Variants in DMXL1 observed in about 807,000 individuals in gnomAD.
DMXL1 encodes the protein dmX-like protein 1.
DMXL1 carries 99 observed loss-of-function variants against 319.2 expected under a neutral mutation model. That is an observed-to-expected ratio of 0.31 (90% confidence interval 0.26 to 0.37). The LOEUF (loss-of-function observed/expected upper bound fraction) is 0.37. Ranked by LOEUF, DMXL1 falls within the 10% of genes least tolerant of loss-of-function variation. DMXL1 has a pLI of 1.00. For missense variants in DMXL1, 3,745 were observed against 3,595.6 expected, an observed-to-expected ratio of 1.04 and a Z score of -1.06; for synonymous variants, 1,385 against 1,235.2, an observed-to-expected ratio of 1.12 and a Z score of -2.54.
intron 7 of DMXL1, among the ~76,000 whole-genome samples, chr5:119,118,306 G>A (rs1488836196): frequency 6.6e-6 from 1 of 152,176 alleles, no homozygotes; most frequent in Non-Finnish European, 1.5e-5. Context: ...GCCTTTATAG[G>A]AAGTAGAAAT....
rs753619114 is a variant in DMXL1 at position 119,247,099 on chromosome 5, A to G, written c.9027A>G (p.Thr3009=). Reference sequence around the variant, plus strand: ...GAACTGGAGTGATGCAAATTGAGACAGGGCCTGCAAATCACATTTTCTCCT... The same window carrying G: ...GAACTGGAGTGATGCAAATTGAGACGGGGCCTGCAAATCACATTTTCTCCT... ...NIGTGVMQIE[T]GPANHIFSCG... The change falls in exon 44 of 44, where the codon ACA becomes ACG. Residue 3009 remains threonine (T), a synonymous_variant. Transcript: ENST00000539542. 3 of 1,614,172 alleles carry G rather than the reference A, an allele frequency of 1.9e-6. No homozygotes were observed. The highest frequency in any genetic ancestry group is 2.2e-5 in the South Asian group (2 of 91,082).
chr5:119,245,285 TA>T (rs1322931160), intron 43 of DMXL1, among the ~76,000 whole-genome samples: 4 of 152,132 alleles, frequency 2.6e-5, no homozygotes, highest in African/African-American at 4.8e-5. Context: ...AACCCTAGAC[TA>T]GGGGGGTTTA....
chr5:119,117,159 G>T (rs1761026875), intron 7 of DMXL1, among the ~76,000 whole-genome samples: 1 of 152,162 alleles, frequency 6.6e-6, no homozygotes, highest in Admixed American at 6.5e-5. Flanking sequence ...GTCTCAAATA[G>T]CGGGGACTAC....
chr5:119,237,306 A>G lies in DMXL1; in HGVS notation c.8467-16A>G. On this transcript the variant is annotated splice_polypyrimidine_tract_variant and intron_variant, in intron 39 of 43. Coordinates refer to ENST00000539542, the MANE Select transcript of DMXL1 (RefSeq NM_001290321.3). ...ATATTTATATTAAATACTTTTAAAT[A>G]TTTTCTTTCTCTAAGTTTGGAATAG... is the stretch of plus-strand genomic sequence containing the variant. 1.4e-6 allele frequency: 2 copies of G among 1,452,044 alleles called. No homozygotes were observed. Among genetic ancestry groups the G allele is most frequent in the Non-Finnish European group, 1.9e-6 (2 of 1,044,280 alleles). 89.9% of individuals were successfully genotyped at this position (1,452,044 alleles called of 1,614,324 possible). A position where few individuals can be genotyped will look rare whatever the true frequency, so the allele number is the denominator to read the frequency against.
chr5:119,134,660 C>T (rs1765608442), intron 13 of DMXL1, among the ~76,000 whole-genome samples: 1 of 152,090 alleles, frequency 6.6e-6, no homozygotes, highest in Non-Finnish European at 1.5e-5. Context: ...GGACTACTGA[C>T]AGTATAATGT....
intron 9 of DMXL1, among the ~76,000 whole-genome samples, chr5:119,127,539 A>G (rs1262527310): frequency 1.3e-5 from 2 of 152,158 alleles, no homozygotes; most frequent in African/African-American, 4.8e-5. Flanking sequence ...CCTGGCTTCA[A>G]GTGATTCTTG....
At chr5:119,189,682 G>A in intron 28 of DMXL1, 26 bp from the exon 29 acceptor site, 2 of 1,606,716 alleles carry the variant, frequency 1.2e-6, no homozygotes, top group Non-Finnish European at 1.7e-6. Context: ...TAGTACTTCA[G>A]TAACATTTTA....
Position 119,098,009 on chromosome 5 carries a change from C to T in DMXL1, c.118C>T (p.Leu40=). The change falls in exon 2 of 44, where the codon CTG becomes TTG. Residue 40 remains leucine (L), a synonymous_variant. Transcript: ENST00000539542. ...AYASGCDIVI[L]GSDFERLQII... ...TGCATCTGGATGTGACATTGTAATA[C>T]TGGGAAGCGATTTTGAAAGATTACA... is the stretch of plus-strand genomic sequence containing the variant. 6.2e-7 allele frequency: 1 copy of T among 1,606,500 alleles called. No homozygotes were observed. The highest frequency in any genetic ancestry group is 8.5e-7 in the Non-Finnish European group (1 of 1,177,716).
intron 41 of DMXL1, 60 bp from the exon 42 acceptor site, chr5:119,240,359 A>T: frequency 8.2e-7 from 1 of 1,213,756 alleles, no homozygotes; most frequent in Admixed American, 2.0e-5. Context: ...GTTATATATG[A>T]CATATTTTTT....
At chr5:119,155,803 G>A (rs1484027371) in intron 19 of DMXL1, among the ~76,000 whole-genome samples, 1 of 145,940 alleles carries the variant, frequency 6.9e-6, no homozygotes, top group Non-Finnish European at 1.5e-5. Flanking sequence ...CTCCAGCCTG[G>A]GCAACAGGAG....
At chr5:119,195,168 A>G (rs1561847041) in intron 30 of DMXL1, among the ~76,000 whole-genome samples, 1 of 152,214 alleles carries the variant, frequency 6.6e-6, no homozygotes, top group East Asian at 1.9e-4. Context: ...TCGTGCAGCA[A>G]CTGTGGAAAA....
intron 1 of DMXL1, among the ~76,000 whole-genome samples, chr5:119,083,077 C>T (rs1752581597): frequency 6.6e-6 from 1 of 152,214 alleles, no homozygotes. Context: ...GTGGCATGAT[C>T]TTGGCTCACT....
At chr5:119,114,435 G>C (rs1760370254) in intron 5 of DMXL1, 40 bp from the exon 6 acceptor site, 1 of 1,424,694 alleles carries the variant, frequency 7.0e-7, no homozygotes, top group Non-Finnish European at 9.7e-7. Context: ...TTTCTTTTTA[G>C]TTTTCATTGC....
chr5:119,141,290 A>C (rs941793707), intron 13 of DMXL1, among the ~76,000 whole-genome samples: 3 of 152,192 alleles, frequency 2.0e-5, no homozygotes, highest in Non-Finnish European at 4.4e-5. Context: ...GCATCTAAAT[A>C]GGAAGAGAGG....
rs1226860385 is a variant in DMXL1, at chr5:119,248,849, A to C, written c.*1630A>C. ...AATAACCATATGCGACTATTTTGCC[A>C]TGGAGAAATCTGACAGCATTGCAAA... On this transcript the variant is annotated 3_prime_UTR_variant, in exon 44 of 44. Coordinates refer to ENST00000539542, the MANE Select transcript of DMXL1 (RefSeq NM_001290321.3). 6.6e-6 allele frequency: 1 copy of C among 152,512 alleles called. No homozygotes were observed. Among genetic ancestry groups the C allele is most frequent in the Non-Finnish European group, 1.5e-5 (1 of 67,940 alleles). 9.4% of individuals were successfully genotyped at this position (152,512 alleles called of 1,614,324 possible).
chr5:119,239,436 A>G (rs1029124143), intron 41 of DMXL1, among the ~76,000 whole-genome samples: 4 of 152,174 alleles, frequency 2.6e-5, no homozygotes, highest in Admixed American at 2.6e-4. Context: ...TCTTCCGTAG[A>G]TATTTCTTAC....
chr5:119,114,676 T>A (rs1413622077), intron 6 of DMXL1, 135 bp downstream of exon 6: 1 of 683,250 alleles, frequency 1.5e-6, no homozygotes, highest in Non-Finnish European at 2.4e-6. Flanking sequence ...TTTTTTTTGT[T>A]TGTTTGTTTT....
At chr5:119,115,208 A>G (rs956647507) in intron 6 of DMXL1, among the ~76,000 whole-genome samples, 16 of 152,238 alleles carry the variant, frequency 1.1e-4, no homozygotes, top group Non-Finnish European at 2.1e-4. Context: ...TATATGCAGT[A>G]TAGAGTGACC....
At chr5:119,171,705 C>G in intron 24 of DMXL1, 73 bp from the exon 25 acceptor site, 1 of 1,217,546 alleles carries the variant, frequency 8.2e-7, no homozygotes, top group South Asian at 1.6e-5. Flanking sequence ...TTTTAAAGAG[C>G]CCTTGATTTA....
Sources: gnomAD v4.1 joint callset for allele counts (sites outside exome capture counted in the v4.1 genomes callset) on GRCh38, gnomAD v4.1.1 for gene constraint, MANE v1.5 for transcripts, NCBI Gene and HGNC (gene_info 2026-07-23, HGNC 2026-07-21) for gene names.